PTPRD: variants seen among roughly 807,000 people sequenced by gnomAD.
PTPRD encodes the protein receptor-type tyrosine-protein phosphatase delta.
A neutral mutation model predicts 214.5 loss-of-function variants in PTPRD; 34 were observed. The observed-to-expected ratio is 0.16, with a 90% confidence interval of 0.12 to 0.21. The LOEUF (loss-of-function observed/expected upper bound fraction) is 0.21, where lower values mean the gene tolerates loss of function less well. PTPRD is among the 10% of genes least tolerant of loss of function. The probability of loss-of-function intolerance (pLI) is 1.00; values close to 1 mark genes in which losing one functional copy is unlikely to be tolerated. For missense variants in PTPRD, 2,545 were observed against 2,398.7 expected (o/e 1.06, Z -1.27); for synonymous variants, 1,128 against 845.7 (o/e 1.33, Z -5.79).
At chr9:9,110,585 G>A (rs1357398562) in intron 10 of PTPRD, among the ~76,000 whole-genome samples, 1 of 151,990 alleles carries the variant, frequency 6.6e-6, no homozygotes, top group South Asian at 2.1e-4. Flanking sequence ...AAGACCAGAG[G>A]CTCAAGTCAG....
At chr9:9,447,336 A>G (rs2090776794) in intron 8 of PTPRD, among the ~76,000 whole-genome samples, 1 of 152,198 alleles carries the variant, frequency 6.6e-6, no homozygotes, top group African/African-American at 2.4e-5. Context: ...TTAGACAGCC[A>G]TAAAAAATGA....
At chr9:9,727,323 A>C (rs2098113431) in intron 7 of PTPRD, among the ~76,000 whole-genome samples, 1 of 152,006 alleles carries the variant, frequency 6.6e-6, no homozygotes, top group African/African-American at 2.4e-5. Flanking sequence ...TGATGGCACA[A>C]GCCTATAATC....
chr9:9,784,791 A>G (rs1156681681), intron 5 of PTPRD, among the ~76,000 whole-genome samples: 1 of 150,978 alleles, frequency 6.6e-6, no homozygotes, highest in Non-Finnish European at 1.5e-5. Context: ...AGATATATAT[A>G]TGTTTATATC....
At chr9:9,040,255 G>A (rs551529277) in intron 10 of PTPRD, among the ~76,000 whole-genome samples, 13 of 152,190 alleles carry the variant, frequency 8.5e-5, no homozygotes, top group African/African-American at 3.1e-4. Context: ...TTGAAAGCAG[G>A]TGCTCAGATT....
chr9:8,536,264 T>C (rs1438357937), intron 14 of PTPRD, among the ~76,000 whole-genome samples: 1 of 151,954 alleles, frequency 6.6e-6, no homozygotes, highest in Non-Finnish European at 1.5e-5. Flanking sequence ...AACTCATGAA[T>C]GGGACAACAA....
rs138932890 is a variant in PTPRD, at chr9:9,583,218, C to T, written c.-286-8437G>A. The stretch of plus-strand genomic sequence containing the variant: ...AAGTGATTACAAATATTTTGGGTAT[C>T]AATGATATATAAAATAACATCAAAC... On this transcript the variant is annotated intron_variant, in intron 7 of 45. Coordinates refer to ENST00000381196, the MANE Select transcript of PTPRD (RefSeq NM_002839.4). Among the ~76,000 whole-genome samples the T allele has an allele frequency of 3.1e-3, 471 of 152,024 alleles. 4 individuals carry two copies. The highest frequency in any genetic ancestry group is 0.011 in the African/African-American group (454 of 41,514).
rs73431004 is a variant in PTPRD at position 8,815,648 on chromosome 9, A to C, written c.-103-81702T>G. Among the ~76,000 whole-genome samples the C allele has an allele frequency of 3.5e-3, 531 of 152,230 alleles. 3 individuals carry two copies. The highest frequency in any genetic ancestry group is 0.012 in the African/African-American group (491 of 41,538). Reference sequence around the variant, plus strand: ...TCTTTAAAATATTCCCATCAGTTTGAGATTATGGGTTTTTTTTCCCTCATC... The same window carrying C: ...TCTTTAAAATATTCCCATCAGTTTGCGATTATGGGTTTTTTTTCCCTCATC... On this transcript the variant is annotated intron_variant, in intron 11 of 45. Transcript: ENST00000381196.
At chr9:9,421,672 C>A (rs1379362685) in intron 8 of PTPRD, among the ~76,000 whole-genome samples, 1 of 152,014 alleles carries the variant, frequency 6.6e-6, no homozygotes, top group Non-Finnish European at 1.5e-5. Context: ...GAACACTGAA[C>A]TGGCCAAAGG....
At chr9:8,470,543 T>C (rs1047804532) in intron 31 of PTPRD, among the ~76,000 whole-genome samples, 6 of 152,160 alleles carry the variant, frequency 3.9e-5, no homozygotes, top group Non-Finnish European at 8.8e-5. Flanking sequence ...ATCAACAGAA[T>C]TCTGTGAGAA....
At chr9:10,410,342 T>C (rs1355965833) in intron 2 of PTPRD, among the ~76,000 whole-genome samples, 1 of 148,464 alleles carries the variant, frequency 6.7e-6, no homozygotes, top group East Asian at 2.1e-4. Context: ...ATTTTACATA[T>C]TCCTCTCTCT....
At chr9:9,759,709 C>A (rs565113423) in intron 6 of PTPRD, among the ~76,000 whole-genome samples, 7 of 151,974 alleles carry the variant, frequency 4.6e-5, no homozygotes, top group African/African-American at 7.2e-5. Context: ...AGGTGCCCAC[C>A]AATACGCCCA....
intron 39 of PTPRD, among the ~76,000 whole-genome samples, chr9:8,374,799 C>T (rs1279964126): frequency 1.3e-5 from 2 of 151,964 alleles, no homozygotes; most frequent in South Asian, 2.1e-4. Context: ...AAACTTTATC[C>T]TGTTTGGAAC....
At chr9:10,491,280 A>C (rs2132683960) in intron 2 of PTPRD, among the ~76,000 whole-genome samples, 2 of 152,290 alleles carry the variant, frequency 1.3e-5, no homozygotes, top group South Asian at 4.1e-4. Context: ...TCTGAAATTT[A>C]ATGGACAAGA....
chr9:8,410,252 T>G (rs2093408115), intron 35 of PTPRD, among the ~76,000 whole-genome samples: 2 of 152,236 alleles, frequency 1.3e-5, no homozygotes, highest in Admixed American at 6.5e-5. Flanking sequence ...TGAGTTCAGT[T>G]GAATCCTATG....
chr9:9,133,796 G>A (rs911688679), intron 10 of PTPRD, among the ~76,000 whole-genome samples: 9 of 152,124 alleles, frequency 5.9e-5, no homozygotes, highest in Non-Finnish European at 2.9e-5. Context: ...AACAGGGGCT[G>A]AGCTGCCTGT....
rs1318010031 is a variant in PTPRD at position 8,317,058 on chromosome 9, A to ATTAT, written c.*812_*815dup. 7 of 231,530 alleles carry ATTAT rather than the reference A, an allele frequency of 3.0e-5. No individual in the cohort carries two copies. The East Asian group carries it at 3.7e-4, about 12-fold the overall frequency. 14.3% of individuals were successfully genotyped at this position (231,530 alleles called of 1,614,324 possible). A position where few individuals can be genotyped will look rare whatever the true frequency, so the allele number is the denominator to read the frequency against. On this transcript the variant is annotated 3_prime_UTR_variant, in exon 46 of 46. Coordinates refer to ENST00000381196, the MANE Select transcript of PTPRD (RefSeq NM_002839.4). ...CAAAACAAAATAATAATTATCTTTG[A>ATTAT]TTATTTGAAGAGAATGGGTACTTTC...
intron 2 of PTPRD, among the ~76,000 whole-genome samples, chr9:10,508,032 A>G (rs1224180017): frequency 6.6e-6 from 1 of 151,846 alleles, no homozygotes; most frequent in East Asian, 1.9e-4. Flanking sequence ...ATGGGAGAAA[A>G]TTTTTGCAAT....
chr9:8,323,624 AC>A (rs1830660753), intron 44 of PTPRD, among the ~76,000 whole-genome samples: 1 of 152,180 alleles, frequency 6.6e-6, no homozygotes, highest in Admixed American at 6.6e-5. Context: ...GATAACTAGA[AC>A]TAGAAGTGGA....
chr9:10,492,934 C>T (rs982560338), intron 2 of PTPRD, among the ~76,000 whole-genome samples: 1 of 152,016 alleles, frequency 6.6e-6, no homozygotes, highest in Non-Finnish European at 1.5e-5. Context: ...GTGCAAAAAT[C>T]ACAAGCATTC....
Sources: allele counts gnomAD v4.1 joint callset (sites outside exome capture counted in the v4.1 genomes callset), GRCh38; gene constraint gnomAD v4.1.1; transcripts MANE v1.5; gene names NCBI Gene and HGNC (gene_info 2026-07-23, HGNC 2026-07-21).